YY1AP1: variants seen among roughly 807,000 people sequenced by gnomAD.
YY1AP1 encodes YY1 associated protein 1.
In YY1AP1, 43 loss-of-function variants were observed where a neutral mutation model predicts 39.9. That is an observed-to-expected ratio of 1.08 (90% CI 0.84 to 1.39). YY1AP1 has a LOEUF of 1.39. Ranked by LOEUF, YY1AP1 falls within the 40% of genes most tolerant of loss-of-function variation. YY1AP1 has a pLI of 0.00. For missense variants in YY1AP1, 813 were observed against 900.7 expected (o/e 0.90, Z 1.25); for synonymous variants, 292 against 331.3 (o/e 0.88, Z 1.29).
chr1:155,667,562 A>G (rs1649197960), intron 9 of YY1AP1, among the ~76,000 whole-genome samples: 2 of 151,964 alleles, frequency 1.3e-5, no homozygotes, highest in African/African-American at 2.4e-5. Flanking sequence ...AATGGCTCAC[A>G]TTTGTAATCC....
chr1:155,684,267 A>G lies in YY1AP1; in HGVS notation c.-21+3804T>C, dbSNP rs1571366410. Among the ~76,000 whole-genome samples, 3 of 152,248 alleles carry G rather than the reference A, an allele frequency of 2.0e-5. No homozygotes were observed. In the South Asian group the frequency reaches 6.2e-4, roughly 32 times the overall value. Reference sequence around the variant, plus strand: ...CTCTCTCAAAAACAAAAACAAAAACAAAAAACCATAGCGAGACCTAATCTC... The same window carrying G: ...CTCTCTCAAAAACAAAAACAAAAACGAAAAACCATAGCGAGACCTAATCTC... On this transcript the variant is annotated intron_variant, in intron 2 of 10. Coordinates refer to ENST00000355499, the MANE Select transcript of YY1AP1 (RefSeq NM_139119.3).
At position 155,660,598 on chromosome 1, in the gene YY1AP1, G is replaced by C; in HGVS notation, c.1312C>G (p.His438Asp). Reference protein sequence around the residue: ...NPGKTPAQSTHSEAPPSKMVL... With the variant: ...NPGKTPAQSTDSEAPPSKMVL... ...ATTTTGCTCGGAGGGGCTTCTGAAT[G>C]AGTTGATTGGGCTGGTGTTTTCCCA... Residue 438 changes from histidine (H) to aspartate (D), a missense_variant, in exon 11 of 11, where the codon CAT (histidine) becomes GAT (aspartate). His to Asp is a moderately conservative substitution (Grantham distance 81). Around this residue, in one of 3 missense-constraint regions of YY1AP1, gnomAD observed 586 missense variants for 647.4 expected, o/e 0.91. Transcript: ENST00000355499. 6.2e-7 allele frequency: 1 copy of C among 1,614,224 alleles called. No individual in the cohort carries two copies. The highest frequency in any genetic ancestry group is 8.5e-7 in the Non-Finnish European group (1 of 1,180,046).
intron 2 of YY1AP1, among the ~76,000 whole-genome samples, chr1:155,681,768 A>G (rs1198591303): frequency 2.0e-5 from 3 of 152,216 alleles, no homozygotes; most frequent in Non-Finnish European, 4.4e-5. Context: ...CAATTGATGG[A>G]AAATTCAGAA....
chr1:155,659,989 T>A lies in YY1AP1; in HGVS notation c.1921A>T (p.Ile641Phe). The change falls in exon 11 of 11, where the codon ATT becomes TTT. Residue 641 changes from isoleucine (I) to phenylalanine (F), a missense_variant. Coordinates refer to ENST00000355499, the MANE Select transcript of YY1AP1 (RefSeq NM_139119.3). ...PEDKAHMNVD[I>F]ACAVADGENA... Reference sequence around the variant, plus strand: ...TCCCCATCAGCCACAGCACAAGCAATGTCCACATTCATGTGGGCCTTATCT... The same window carrying A: ...TCCCCATCAGCCACAGCACAAGCAAAGTCCACATTCATGTGGGCCTTATCT... 2.5e-6 allele frequency: 4 copies of A among 1,614,190 alleles called. No homozygotes were observed. Among genetic ancestry groups the A allele is most frequent in the Non-Finnish European group, 3.4e-6 (4 of 1,180,032 alleles).
rs763750069 is a variant in YY1AP1, at chr1:155,668,663, G to A, written c.843C>T (p.Asn281=). The A allele has an allele frequency of 3.1e-6, 5 of 1,614,138 alleles. No individual in the cohort carries two copies. The highest frequency in any genetic ancestry group is 3.4e-6 in the Non-Finnish European group (4 of 1,180,016). ...TARQLTVRIK[N]LNMNRAPDNI... ...TGTCAGGAGCTCTGTTCATGTTGAG[G>A]TTCTTGATTCTCACTGTCAGTTGGC... is the stretch of plus-strand genomic sequence containing the variant. Residue 281 remains asparagine, a synonymous_variant, in exon 9 of 11, where the codon AAC becomes AAT. Transcript: ENST00000355499.
At chr1:155,674,908 G>T in intron 6 of YY1AP1, 102 bp downstream of exon 6, 2 of 993,064 alleles carry the variant, frequency 2.0e-6, no homozygotes, top group Non-Finnish European at 3.1e-6. Flanking sequence ...AACATAGGAA[G>T]CCACAGCAAT....
chr1:155,688,542 G>A (rs2149089605), intron 1 of YY1AP1, 117 bp downstream of exon 1: 2 of 1,541,694 alleles, frequency 1.3e-6, no homozygotes, highest in East Asian at 2.4e-5. Flanking sequence ...CACCACCTTC[G>A]GCCGTCCTGC....
At chr1:155,688,482 C>G in intron 1 of YY1AP1, 177 bp downstream of exon 1, 1 of 1,549,696 alleles carries the variant, frequency 6.5e-7, no homozygotes, top group Non-Finnish European at 8.7e-7. Flanking sequence ...GCACGTCAGC[C>G]CGCACGCGTA....
intron 7 of YY1AP1, chr1:155,670,777 C>T: frequency 3.4e-6 from 1 of 296,670 alleles, no homozygotes; most frequent in Non-Finnish European, 6.5e-6. Context: ...CGGGTTCAGG[C>T]CATTCTCCTG....
Position 155,659,996 on chromosome 1 carries a change from A to G in YY1AP1, c.1914T>C (p.Asn638=). ...PSTPEDKAHM[N]VDIACAVADG... is the part of the protein sequence containing the mutation. ...CAGCCACAGCACAAGCAATGTCCAC[A>G]TTCATGTGGGCCTTATCTTCAGGGG... Residue 638 remains asparagine (N), a synonymous_variant, in exon 11 of 11, where the codon AAT becomes AAC. Coordinates refer to ENST00000355499, the MANE Select transcript of YY1AP1 (RefSeq NM_139119.3). 6.2e-7 allele frequency: 1 copy of G among 1,614,222 alleles called. No individual in the cohort carries two copies.
At chr1:155,678,382 AT>A (rs746633925) in intron 4 of YY1AP1, among the ~76,000 whole-genome samples, 11 of 152,374 alleles carry the variant, frequency 7.2e-5, no homozygotes, top group Non-Finnish European at 1.5e-4. Context: ...TCTAACAGGA[AT>A]TTTAAATTAG....
At chr1:155,673,968 C>T (rs1018961728) in intron 6 of YY1AP1, among the ~76,000 whole-genome samples, 4 of 151,686 alleles carry the variant, frequency 2.6e-5, no homozygotes, top group East Asian at 2.0e-4. Flanking sequence ...GAGACCATCC[C>T]GGCTAAAACG....
At chr1:155,685,583 T>C (rs1011940166) in intron 2 of YY1AP1, among the ~76,000 whole-genome samples, 7 of 152,208 alleles carry the variant, frequency 4.6e-5, no homozygotes, top group Non-Finnish European at 8.8e-5. Flanking sequence ...TACAGAGTCA[T>C]TTACTAATAC....
intron 4 of YY1AP1, 100 bp downstream of exon 4, chr1:155,679,309 G>A (rs1281540996): frequency 3.2e-6 from 5 of 1,568,268 alleles, no homozygotes; most frequent in Non-Finnish European, 3.5e-6. Context: ...AGTAACAGAA[G>A]CTGGCTGGGG....
At chr1:155,681,471 C>G (rs1010681756) in intron 2 of YY1AP1, among the ~76,000 whole-genome samples, 3 of 152,046 alleles carry the variant, frequency 2.0e-5, no homozygotes, top group African/African-American at 7.2e-5. Context: ...GCATATAGTC[C>G]CATATACTTG....
At chr1:155,677,359 C>T (rs59287240) in intron 4 of YY1AP1, among the ~76,000 whole-genome samples, 2,653 of 152,314 alleles carry the variant, frequency 0.017, 90 homozygotes, top group African/African-American at 0.061. Context: ...AACTTCCCAT[C>T]CATACCCTCC....
At chr1:155,661,704 G>A (rs1455228286) in intron 9 of YY1AP1, among the ~76,000 whole-genome samples, 1 of 152,184 alleles carries the variant, frequency 6.6e-6, no homozygotes, top group African/African-American at 2.4e-5. Flanking sequence ...CGCCCAGGAT[G>A]GAGTGCAATG....
chr1:155,660,656 T>C lies in YY1AP1; in HGVS notation c.1254A>G (p.Gln418=), dbSNP rs529863083. The C allele has an allele frequency of 5.0e-6, 8 of 1,614,026 alleles. No individual in the cohort carries two copies. In the South Asian group the frequency reaches 7.7e-5, roughly 16 times the overall value. ...AGCTGGGCTGGAGAGAGGGGCTGGG[T>C]TGGATAAGGAGGGGTTTCAGGACTG... is the stretch of plus-strand genomic sequence containing the variant. ...RSSVLKPLLI[Q]PSPSLQPSFN... The change falls in exon 11 of 11, where the codon CAA becomes CAG. Residue 418 remains glutamine, a synonymous_variant. Coordinates refer to ENST00000355499, the MANE Select transcript of YY1AP1 (RefSeq NM_139119.3).
chr1:155,663,363 C>G (rs1255176077), intron 9 of YY1AP1, among the ~76,000 whole-genome samples: 18 of 126,370 alleles, frequency 1.4e-4, no homozygotes. Flanking sequence ...GAGTGAGACT[C>G]CATCTCAAAA....
Sources: gnomAD v4.1 joint callset for allele counts (sites outside exome capture counted in the v4.1 genomes callset) on GRCh38, gnomAD v4.1.1 for gene constraint, gnomAD v4.1.1 regional missense constraint, MANE v1.5 for transcripts, NCBI Gene and HGNC (gene_info 2026-07-23, HGNC 2026-07-21) for gene names.